Variants in ARSG observed in about 807,000 individuals in gnomAD.
ARSG encodes arylsulfatase G.
Under a neutral mutation model 50.5 loss-of-function variants are expected in ARSG, and 37 were observed. That is an observed-to-expected ratio of 0.73 (90% confidence interval 0.56 to 0.96). The LOEUF (loss-of-function observed/expected upper bound fraction) is 0.96. Ranked by LOEUF, ARSG falls within the 50% of genes least tolerant of loss-of-function variation. The pLI is 0.00. For synonymous variants in ARSG, 225 were observed against 254.6 expected, an observed-to-expected ratio of 0.88 and a Z score of 1.11; for missense variants, 629 against 675.3, an observed-to-expected ratio of 0.93 and a Z score of 0.76.
the ARSG span, among the ~76,000 whole-genome samples, chr17:68,449,258 T>A: frequency 2.0e-5 from 3 of 152,218 alleles, no homozygotes; most frequent in Non-Finnish European, 4.4e-5. Flanking sequence ...AAACAGATAT[T>A]TATGAGCACG....
intron 11 of ARSG, among the ~76,000 whole-genome samples, chr17:68,406,370 C>T (rs752819866): frequency 1.2e-4 from 18 of 152,136 alleles, no homozygotes; most frequent in Non-Finnish European, 1.8e-4. Context: ...GTATCTTTTT[C>T]GTACAATGAC....
intron 8 of ARSG, among the ~76,000 whole-genome samples, chr17:68,374,520 G>A (rs988879838): frequency 1.3e-5 from 2 of 152,102 alleles, no homozygotes; most frequent in Admixed American, 6.5e-5. Context: ...TAAGGATGTG[G>A]ACTGGGACCC....
At chr17:68,315,934 A>T (rs1046075356) in intron 2 of ARSG, among the ~76,000 whole-genome samples, 7 of 152,086 alleles carry the variant, frequency 4.6e-5, no homozygotes, top group Non-Finnish European at 1.0e-4. Context: ...CCCAGGCAGA[A>T]ATGGGATTTA....
intron 9 of ARSG, among the ~76,000 whole-genome samples, chr17:68,391,736 G>A (rs938806039): frequency 6.6e-6 from 1 of 152,108 alleles, no homozygotes; most frequent in African/African-American, 2.4e-5. Context: ...CAGGAACCTT[G>A]GACTCTGGAC....
chr17:68,309,404 G>GT (rs1568448749), intron 2 of ARSG, among the ~76,000 whole-genome samples: 4 of 152,258 alleles, frequency 2.6e-5, no homozygotes, highest in African/African-American at 9.6e-5. Flanking sequence ...CAAAGTGGGA[G>GT]CCCAGGCAGA....
At chr17:68,276,167 C>A (rs2145029889) in intron 1 of ARSG, among the ~76,000 whole-genome samples, 1 of 151,564 alleles carries the variant, frequency 6.6e-6, no homozygotes, top group East Asian at 2.0e-4. Flanking sequence ...AATCTCAGCT[C>A]ACTGCAACCT....
intron 11 of ARSG, among the ~76,000 whole-genome samples, chr17:68,404,924 A>G (rs777776454): frequency 6.6e-6 from 1 of 152,182 alleles, no homozygotes; most frequent in Non-Finnish European, 1.5e-5. Flanking sequence ...TCCCAGCATC[A>G]TTTATTGAAA....
At chr17:68,312,122 C>G (rs1165129781) in intron 2 of ARSG, among the ~76,000 whole-genome samples, 1 of 152,094 alleles carries the variant, frequency 6.6e-6, no homozygotes, top group East Asian at 1.9e-4. Context: ...TTAAGCCACA[C>G]AGCTTGTGGT....
chr17:68,337,445 C>T (rs1336300805), intron 2 of ARSG, among the ~76,000 whole-genome samples: 1 of 151,882 alleles, frequency 6.6e-6, no homozygotes, highest in East Asian at 1.9e-4. Flanking sequence ...AAGACAGGCC[C>T]ACAGTGGAGG....
intron 1 of ARSG, among the ~76,000 whole-genome samples, chr17:68,263,752 G>A (rs1377812322): frequency 6.6e-6 from 1 of 152,112 alleles, no homozygotes; most frequent in Non-Finnish European, 1.5e-5. Context: ...ACCTGGCCAC[G>A]GTTTAAAGAA....
At chr17:68,278,794 A>C (rs1555751883) in intron 1 of ARSG, among the ~76,000 whole-genome samples, 1 of 151,450 alleles carries the variant, frequency 6.6e-6, no homozygotes, top group Admixed American at 6.6e-5. Flanking sequence ...TAATTTTTGT[A>C]TTTTTAGTAG....
intron 4 of ARSG, among the ~76,000 whole-genome samples, chr17:68,347,835 C>T (rs1029094292): frequency 2.0e-5 from 3 of 152,228 alleles, no homozygotes; most frequent in Non-Finnish European, 2.9e-5. Flanking sequence ...TCTCCTGTCC[C>T]TGGCCCCTTC....
chr17:68,362,731 C>T (rs904086057), intron 6 of ARSG, among the ~76,000 whole-genome samples: 6 of 152,142 alleles, frequency 3.9e-5, no homozygotes, highest in Non-Finnish European at 1.5e-5. Flanking sequence ...AGTGCTCAAA[C>T]AGTTTCGGAG....
chr17:68,395,172 C>T lies in ARSG; in HGVS notation c.1191C>T (p.Gly397=), dbSNP rs779779731. ...DGVDVSEVLF[G]RSQPGHRVLF... ...TGGACGTCTCCGAGGTGCTCTTTGG[C>T]CGGTCACAGCCTGGGCACAGGGTAA... Residue 397 remains glycine (G), a synonymous_variant, in exon 10 of 12, where the codon GGC becomes GGT. Transcript: ENST00000621439. The T allele has an allele frequency of 1.2e-6, 2 of 1,613,900 alleles. No homozygotes were observed. Among genetic ancestry groups the T allele is most frequent in the Admixed American group, 3.3e-5 (2 of 59,992 alleles).
intron 1 of ARSG, chr17:68,278,158 T>C (rs1555751606): frequency 1.2e-6 from 2 of 1,614,154 alleles, no homozygotes; most frequent in Non-Finnish European, 1.7e-6. Flanking sequence ...TCATTAAAAC[T>C]GTCCATTAAG....
At chr17:68,294,116 G>T (rs1360934289) in intron 1 of ARSG, among the ~76,000 whole-genome samples, 15 of 152,288 alleles carry the variant, frequency 9.8e-5, no homozygotes, top group African/African-American at 3.4e-4. Context: ...GAAGGGCTCA[G>T]CTCCCCTCTT....
At chr17:68,293,227 A>T (rs1480695888) in intron 1 of ARSG, among the ~76,000 whole-genome samples, 1 of 152,192 alleles carries the variant, frequency 6.6e-6, no homozygotes, top group African/African-American at 2.4e-5. Flanking sequence ...TTACACTTTA[A>T]TACTTAGGAC....
downstream of ARSG, chr17:68,421,711 C>T: frequency 1.2e-6 from 2 of 1,611,734 alleles, no homozygotes; most frequent in Non-Finnish European, 1.7e-6. Flanking sequence ...CTTCCGCCTT[C>T]CTTGTTTTCT....
chr17:68,324,715 T>C (rs1423029672), intron 2 of ARSG, among the ~76,000 whole-genome samples: 1 of 152,234 alleles, frequency 6.6e-6, no homozygotes, highest in Non-Finnish European at 1.5e-5. Flanking sequence ...GGAATTTGGA[T>C]GCCTGTTTTA....
Sources: gnomAD v4.1 joint callset for allele counts (sites outside exome capture counted in the v4.1 genomes callset) on GRCh38, gnomAD v4.1.1 for gene constraint, MANE v1.5 for transcripts, NCBI Gene and HGNC (gene_info 2026-07-23, HGNC 2026-07-21) for gene names.